The following ZBTB4 variants were observed in gnomAD, a reference collection of about 807,000 sequenced individuals.
The protein encoded by ZBTB4 is zinc finger and BTB domain-containing protein 4.
In ZBTB4, 14 loss-of-function variants were observed where a neutral mutation model predicts 59.8. That is an observed-to-expected ratio of 0.23 (90% CI 0.15 to 0.37). ZBTB4 has a LOEUF of 0.37. Among genes scored for constraint, ZBTB4 ranks in the 10% least tolerant of loss-of-function variants. The probability of loss-of-function intolerance (pLI) is 1.00; values close to 1 mark genes in which losing one functional copy is unlikely to be tolerated. For synonymous variants in ZBTB4, 587 were observed against 575.2 expected, an observed-to-expected ratio of 1.02 and a Z score of -0.29; for missense variants, 1,198 against 1,380.8, an observed-to-expected ratio of 0.87 and a Z score of 2.10.
rs548352837 is a variant in ZBTB4, at chr17:7,469,316, G to A, written c.-80-1989C>T. ...TGAGTAGCTGGGATTACAGGCGTCC[G>A]CCGCCATGCCTGGCTAATTTTTTGT... On this transcript the variant is annotated intron_variant, in intron 1 of 3. Transcript: ENST00000380599. 2.6e-3 allele frequency among the ~76,000 whole-genome samples: 397 copies of A among 152,170 alleles called. 1 individual carries two copies. The highest frequency in any genetic ancestry group is 9.2e-3 in the African/African-American group (381 of 41,544).
chr17:7,464,034 T>A, intron 3 of ZBTB4, 144 bp from the exon 4 acceptor site: 1 of 1,415,148 alleles, frequency 7.1e-7, no homozygotes, highest in Non-Finnish European at 9.3e-7. Context: ...CCAGCCTCAG[T>A]GCAGGGTGCC....
At chr17:7,480,310 A>G (rs2070327931), upstream of ZBTB4, among the ~76,000 whole-genome samples, 1 of 152,192 alleles carries the variant, frequency 6.6e-6, no homozygotes, top group South Asian at 2.1e-4. Context: ...GGAAGCACAC[A>G]CAGAAAAAAC....
At chr17:7,482,802 C>T (rs370565525), upstream of ZBTB4, 144 of 1,611,896 alleles carry the variant, frequency 8.9e-5, no homozygotes, top group East Asian at 3.3e-4. Context: ...GTGAGCTATG[C>T]GGTCACCAAG....
At chr17:7,463,978 C>G in intron 3 of ZBTB4, 88 bp from the exon 4 acceptor site, 1 of 1,514,996 alleles carries the variant, frequency 6.6e-7, no homozygotes, top group South Asian at 1.3e-5. Context: ...ACACCCTGCA[C>G]TCAAACCTGT....
chr17:7,469,467 C>T (rs1399809219), intron 1 of ZBTB4, among the ~76,000 whole-genome samples: 1 of 151,046 alleles, frequency 6.6e-6, no homozygotes, highest in Non-Finnish European at 1.5e-5. Flanking sequence ...TGCCTGGCCA[C>T]TTTCCCTCTT....
chr17:7,461,550 C>T lies in ZBTB4; in HGVS notation c.*390G>A, dbSNP rs542786569. The stretch of plus-strand genomic sequence containing the variant: ...GAGAAAGCTTCAGAACAAGGCGGGT[C>T]ATTAGGTGAGAGAGATGGTTTCCCC... On this transcript the variant is annotated 3_prime_UTR_variant, in exon 4 of 4. Coordinates refer to ENST00000380599, the MANE Select transcript of ZBTB4 (RefSeq NM_001128833.2). 1 of 170,588 alleles carries T rather than the reference C, an allele frequency of 5.9e-6. No individual in the cohort carries two copies. The highest frequency in any genetic ancestry group is 1.7e-4 in the East Asian group (1 of 5,828). 10.6% of individuals were successfully genotyped at this position (170,588 alleles called of 1,614,324 possible).
chr17:7,462,732 C>T lies in ZBTB4; in HGVS notation c.2250G>A (p.Gly750=), dbSNP rs772347448. 39 of 1,603,726 alleles carry T rather than the reference C, an allele frequency of 2.4e-5. No homozygotes were observed. In the Admixed American group the frequency reaches 6.3e-4, roughly 26 times the overall value. Residue 750 remains glycine (G), a synonymous_variant, in exon 4 of 4, where the codon GGG becomes GGA. Transcript: ENST00000380599. This position sits in a 1 kb window ranked among gnomAD's most constrained non-coding sequence, Gnocchi z 7.5. Reference sequence around the variant, plus strand: ...GTCCGGCCCGGGAGCTGTGGGAGCCCCCACCGTGGGCCTCTTGGTGCTTCC... The same window carrying T: ...GTCCGGCCCGGGAGCTGTGGGAGCCTCCACCGTGGGCCTCTTGGTGCTTCC... The part of the protein sequence containing the change: ...KLRKHQEAHG[G]GSHSSRAGRR...
intron 3 of ZBTB4, among the ~76,000 whole-genome samples, chr17:7,464,171 C>T (rs1228129759): frequency 2.0e-5 from 3 of 152,216 alleles, no homozygotes; most frequent in East Asian, 1.9e-4. Context: ...GACTTACGAA[C>T]AGGGACACCA....
upstream of ZBTB4, among the ~76,000 whole-genome samples, chr17:7,480,742 A>C (rs1039869742): frequency 6.6e-6 from 1 of 151,888 alleles, no homozygotes; most frequent in Non-Finnish European, 1.5e-5. Context: ...ACAACAAAAA[A>C]ACCTCTCTGA....
upstream of ZBTB4, chr17:7,482,339 T>A: frequency 6.2e-7 from 1 of 1,614,038 alleles, no homozygotes; most frequent in Non-Finnish European, 8.5e-7. Flanking sequence ...TGGATGTGCC[T>A]ACAGTGCGGT....
intron 1 of ZBTB4, among the ~76,000 whole-genome samples, chr17:7,478,496 G>C (rs1182023346): frequency 6.6e-6 from 1 of 151,994 alleles, no homozygotes; most frequent in African/African-American, 2.4e-5. Context: ...CACAGAAATG[G>C]GACCCAGACG....
At chr17:7,476,585 T>C (rs2070272066) in intron 1 of ZBTB4, among the ~76,000 whole-genome samples, 2 of 152,190 alleles carry the variant, frequency 1.3e-5, no homozygotes. Flanking sequence ...CCAGAAATGC[T>C]CTTTCCCCAA....
rs117379209 is a variant in ZBTB4, at chr17:7,462,930, C to G, written c.2052G>C (p.Val684=). 1,167 of 1,609,172 alleles carry G rather than the reference C, an allele frequency of 7.3e-4. 19 individuals carry two copies. The East Asian group carries it at 0.023, about 32-fold the overall frequency. The part of the protein sequence containing the change: ...RKAGAAGGAS[V]GGSGLPRGRR... The stretch of plus-strand genomic sequence containing the variant: ...GGCCTCGGGGCAGCCCACTGCCCCC[C>G]ACACTGGCACCTCCAGCAGCTCCAG... The change falls in exon 4 of 4, where the codon GTG becomes GTC. Residue 684 remains valine (V), a synonymous_variant. Transcript: ENST00000380599. This position sits in a 1 kb window ranked among gnomAD's most constrained non-coding sequence, Gnocchi z 7.5.
chr17:7,464,241 CCA>C (rs1273988379), intron 3 of ZBTB4, among the ~76,000 whole-genome samples: 1 of 152,186 alleles, frequency 6.6e-6, no homozygotes, highest in Non-Finnish European at 1.5e-5. Flanking sequence ...GCCTGTGCTG[CCA>C]CAGTCCTTTC....
chr17:7,481,667 A>G (rs1423344354), upstream of ZBTB4: 5 of 664,890 alleles, frequency 7.5e-6, no homozygotes, highest in Non-Finnish European at 1.2e-5. Flanking sequence ...AACCTGTGGC[A>G]TCATACAGAT....
intron 1 of ZBTB4, among the ~76,000 whole-genome samples, chr17:7,468,021 T>C (rs981878124): frequency 3.3e-5 from 5 of 152,166 alleles, no homozygotes; most frequent in Non-Finnish European, 5.9e-5. Flanking sequence ...GATCTGGACT[T>C]AAAAAGCGGC....
chr17:7,478,069 G>A (rs1393545044), intron 1 of ZBTB4, among the ~76,000 whole-genome samples: 1 of 152,088 alleles, frequency 6.6e-6, no homozygotes, highest in Admixed American at 6.5e-5. Flanking sequence ...CGGCAGGCAC[G>A]CACACACAGC....
intron 3 of ZBTB4, among the ~76,000 whole-genome samples, chr17:7,465,445 C>CAG (rs1214675492): frequency 2.2e-5 from 3 of 134,656 alleles, no homozygotes; most frequent in Non-Finnish European, 4.6e-5. Context: ...GCCTGGGCTA[C>CAG]AGAGAGAGGC....
At position 7,462,407 on chromosome 17, in the gene ZBTB4, G is replaced by A; in HGVS notation, c.2575C>T (p.Pro859Ser). Reference sequence around the variant, plus strand: ...TAGCTGCCCCCGCTTGCCACTACTGGGGGCTCCTCACCCCCTGAAATGATA... The same window carrying A: ...TAGCTGCCCCCGCTTGCCACTACTGAGGGCTCCTCACCCCCTGAAATGATA... Reference protein sequence around the residue: ...DPIISGGEEPPVVASGGSYVY... With the variant: ...DPIISGGEEPSVVASGGSYVY... The change falls in exon 4 of 4, where the codon CCA (proline) becomes TCA (serine). Residue 859 changes from proline to serine, a missense_variant. Pro to Ser is a moderately conservative substitution (Grantham distance 74). Transcript: ENST00000380599. This position sits in a 1 kb window ranked among gnomAD's most constrained non-coding sequence, Gnocchi z 7.5. 6.2e-7 allele frequency: 1 copy of A among 1,613,898 alleles called. No individual in the cohort carries two copies. Among genetic ancestry groups the A allele is most frequent in the East Asian group, 2.2e-5 (1 of 44,866 alleles).
Sources: allele counts gnomAD v4.1 joint callset (sites outside exome capture counted in the v4.1 genomes callset), GRCh38; gene constraint gnomAD v4.1.1; non-coding constraint Gnocchi (gnomAD v3.1); transcripts MANE v1.5; gene names NCBI Gene and HGNC (gene_info 2026-07-23, HGNC 2026-07-21).